HDAC5: variants seen among roughly 807,000 people sequenced by gnomAD.
HDAC5 encodes the protein antigen NY-CO-9.
In HDAC5, 25 loss-of-function variants were observed where a neutral mutation model predicts 133.3. That is an observed-to-expected ratio of 0.19 (90% confidence interval 0.14 to 0.26). The LOEUF is 0.26. Among genes scored for constraint, HDAC5 ranks in the 10% least tolerant of loss-of-function variants. HDAC5 has a pLI of 1.00. For missense variants in HDAC5, 1,041 were observed against 1,460.5 expected (o/e 0.71, Z 4.68); for synonymous variants, 589 against 610.8 (o/e 0.96, Z 0.53).
intron 3 of HDAC5, among the ~76,000 whole-genome samples, chr17:44,103,148 G>A (rs551130900): frequency 1.2e-3 from 183 of 152,180 alleles, no homozygotes; most frequent in African/African-American, 4.4e-3. Flanking sequence ...CTGGCCTGAG[G>A]GAGTTTGGAA....
intron 3 of HDAC5, among the ~76,000 whole-genome samples, chr17:44,104,001 C>T (rs999071792): frequency 1.5e-4 from 23 of 151,990 alleles, no homozygotes; most frequent in African/African-American, 4.8e-4. Context: ...AGCCACCATG[C>T]CTGGCCTTCT....
intron 23 of HDAC5, 49 bp downstream of exon 23, chr17:44,080,058 C>T (rs375024086): frequency 5.3e-6 from 7 of 1,327,728 alleles, no homozygotes; most frequent in Admixed American, 1.7e-5. Flanking sequence ...TCACTGGACT[C>T]GATATCCTCA....
intron 11 of HDAC5, among the ~76,000 whole-genome samples, chr17:44,090,377 T>C (rs901830912): frequency 6.6e-6 from 1 of 152,160 alleles, no homozygotes; most frequent in Non-Finnish European, 1.5e-5. Flanking sequence ...TAATTCCACT[T>C]GCTTCTCTTT....
chr17:44,092,806 C>T lies in HDAC5; in HGVS notation c.642G>A (p.Trp214Ter). ...GGTCCAAAGAAGCATGGTGGGCTCC[C>T]CTGGGGTGGGGGGGGGGTGGGGATG... ...NHSLPQHPKC[W>*]GAHHASLDQS... Residue 214 changes from tryptophan to a stop codon, truncating the protein, a stop_gained and splice_region_variant, in exon 7 of 27, where the codon TGG (tryptophan) becomes TGA (stop). Coordinates refer to ENST00000682912, the MANE Select transcript of HDAC5 (RefSeq NM_005474.5). LOFTEE classifies it high-confidence loss of function. 1 of 1,051,372 alleles carries T rather than the reference C, an allele frequency of 9.5e-7. No homozygotes were observed. Among genetic ancestry groups the T allele is most frequent in the Non-Finnish European group, 1.3e-6 (1 of 766,384 alleles). 65.1% of individuals were successfully genotyped at this position (1,051,372 alleles called of 1,614,324 possible).
chr17:44,089,747 C>CAAA lies in HDAC5; in HGVS notation c.1388-1152_1388-1150dup, dbSNP rs869263828. ...GGGCAACAAGAGTGAAACTTCGTCT[C>CAAA]AAAAAAAAAAAAAAAAAAAAAAAAA... On this transcript the variant is annotated intron_variant, in intron 11 of 26. Coordinates refer to ENST00000682912, the MANE Select transcript of HDAC5 (RefSeq NM_005474.5). Among the ~76,000 whole-genome samples the CAAA allele has an allele frequency of 9.3e-3, 317 of 34,038 alleles. 43 individuals carry two copies. Among genetic ancestry groups the CAAA allele is most frequent in the African/African-American group, 0.041 (241 of 5,854 alleles). 22.3% of individuals were successfully genotyped at this position (34,038 alleles called of 152,430 possible).
intron 14 of HDAC5, chr17:44,085,417 T>C: frequency 3.3e-6 from 1 of 306,524 alleles, no homozygotes; most frequent in Non-Finnish European, 6.0e-6. Flanking sequence ...CACTGCAGCC[T>C]CAACCACTGC....
At position 44,078,513 on chromosome 17, in the gene HDAC5, C is replaced by T; in HGVS notation, c.3316G>A (p.Glu1106Lys). 1 of 1,609,324 alleles carries T rather than the reference C, an allele frequency of 6.2e-7. No individual in the cohort carries two copies. The change falls in exon 26 of 27, where the codon GAA becomes AAA. Residue 1106 changes from glutamate (E) to lysine (K), a missense_variant. Glu to Lys is a moderately conservative substitution (Grantham distance 56). Around this residue, in one of 9 missense-constraint regions of HDAC5, gnomAD observed 95 missense variants for 107.3 expected, o/e 0.88. Transcript: ENST00000682912. ...AEQAQAAAAR[E>K]HSPRPAEEPM... ...GTTGCTGCTTACCTGGGGCTGTGTT[C>T]CCGGGCTGCCGCAGCCTGGGCCTGC...
chr17:44,121,617 C>A (rs1375139218), intron 1 of HDAC5, among the ~76,000 whole-genome samples: 6 of 151,886 alleles, frequency 4.0e-5, no homozygotes, highest in Non-Finnish European at 7.4e-5. Flanking sequence ...CCCTCCCCCA[C>A]TATGCGGGAA....
intron 13 of HDAC5, 47 bp from the exon 14 acceptor site, chr17:44,086,784 A>C (rs772734443): frequency 1.6e-6 from 2 of 1,259,206 alleles, no homozygotes; most frequent in Non-Finnish European, 2.0e-6. Flanking sequence ...CAGCCAGGAC[A>C]GGGGTGAGGG....
chr17:44,097,799 G>C (rs1283283101), intron 3 of HDAC5, among the ~76,000 whole-genome samples: 1 of 152,248 alleles, frequency 6.6e-6, no homozygotes, highest in Non-Finnish European at 1.5e-5. Flanking sequence ...CCTAGGGCTG[G>C]AACTGTCGCC....
Position 44,079,251 on chromosome 17 carries a change from T to C in HDAC5, c.2971A>G (p.Met991Val). Residue 991 changes from methionine (M) to valine (V), a missense_variant, in exon 24 of 27, where the codon ATG becomes GTG. By Grantham distance (21) the Met-to-Val change is conservative. Transcript: ENST00000682912. The part of the protein sequence containing the change: ...RCFGHLTRQL[M>V]TLAGGRVVLA... ...ACCACCCGGCCCCCTGCCAGGGTCA[T>C]CAGCTGCCTGGTCAAGTGGCCAAAA... 2 of 1,613,732 alleles carry C rather than the reference T, an allele frequency of 1.2e-6. No individual in the cohort carries two copies. Among genetic ancestry groups the C allele is most frequent in the Non-Finnish European group, 1.7e-6 (2 of 1,179,824 alleles).
rs386386141 is a variant in HDAC5 at position 44,089,931 on chromosome 17, C to CA, written c.1388-1334dup. On this transcript the variant is annotated intron_variant, in intron 11 of 26. Transcript: ENST00000682912. ...TGGGCAACAAAGTGAGATTCTGTCTCAAAAAAAAAAAAAAAAAAAGGATGA... is the reference window on the plus strand; with the variant it reads ...TGGGCAACAAAGTGAGATTCTGTCTCAAAAAAAAAAAAAAAAAAAAGGATGA... 3.4e-3 allele frequency among the ~76,000 whole-genome samples: 290 copies of CA among 86,564 alleles called. 14 individuals carry two copies. The highest frequency in any genetic ancestry group is 0.021 in the Middle Eastern group (3 of 142). The allele number at this position is 86,564 out of a possible 152,430, so 56.8% of individuals were successfully genotyped here.
At chr17:44,080,696 G>C (rs1056344822) in intron 21 of HDAC5, 67 bp downstream of exon 21, 1 of 1,607,120 alleles carries the variant, frequency 6.2e-7, no homozygotes, top group Non-Finnish European at 8.5e-7. Flanking sequence ...GTGGCTCCCC[G>C]CCAGGTCCCA....
At chr17:44,105,539 C>T (rs2051881324) in intron 3 of HDAC5, among the ~76,000 whole-genome samples, 1 of 152,166 alleles carries the variant, frequency 6.6e-6, no homozygotes, top group Admixed American at 6.5e-5. Flanking sequence ...GGTGGAATGG[C>T]AGGGGCTCCA....
chr17:44,112,500 T>G (rs553677459), intron 2 of HDAC5, among the ~76,000 whole-genome samples: 51 of 152,036 alleles, frequency 3.4e-4, no homozygotes, highest in African/African-American at 1.2e-3. Flanking sequence ...ACAGTTGCTA[T>G]TTTGGAGCCC....
intron 3 of HDAC5, among the ~76,000 whole-genome samples, chr17:44,106,453 T>C: frequency 6.6e-6 from 1 of 152,186 alleles, no homozygotes; most frequent in Non-Finnish European, 1.5e-5. Context: ...GTAGGTGGCA[T>C]ATTGCACATG....
rs766777414 is a variant in HDAC5 at position 44,091,317 on chromosome 17, T to C, written c.1340A>G (p.His447Arg). 72 of 1,611,700 alleles carry C rather than the reference T, an allele frequency of 4.5e-5. No individual in the cohort carries two copies. The highest frequency in any genetic ancestry group is 5.7e-5 in the Non-Finnish European group (67 of 1,179,372). The change falls in exon 11 of 27, where the codon CAT becomes CGT. Residue 447 changes from histidine to arginine, a missense_variant. Around this residue, in one of 9 missense-constraint regions of HDAC5, gnomAD observed 433 missense variants for 531.6 expected, o/e 0.81. Transcript: ENST00000682912. ...SPHGHASLLQHVLLLEQARQQ... is the reference protein window; with the variant it reads ...SPHGHASLLQRVLLLEQARQQ... ...CCGGGCCTGCTCCAGCAACAGCACATGCTGCAGCAGGGAGGCATGCCCGTG... is the reference window on the plus strand; with the variant it reads ...CCGGGCCTGCTCCAGCAACAGCACACGCTGCAGCAGGGAGGCATGCCCGTG...
At chr17:44,084,751 A>G (rs1327062245) in intron 15 of HDAC5, 76 bp from the exon 16 acceptor site, 1 of 1,549,750 alleles carries the variant, frequency 6.5e-7, no homozygotes, top group Non-Finnish European at 8.8e-7. Flanking sequence ...TAGCCAGGGC[A>G]CACAGAGCCA....
chr17:44,117,511 T>A lies in HDAC5; in HGVS notation c.5A>T (p.Asn2Ile). The A allele has an allele frequency of 6.2e-7, 1 of 1,613,486 alleles. No individual in the cohort carries two copies. Among genetic ancestry groups the A allele is most frequent in the Non-Finnish European group, 8.5e-7 (1 of 1,179,904 alleles). Residue 2 changes from asparagine to isoleucine, a missense_variant, in exon 2 of 27, where the codon AAC becomes ATC. Physicochemically the swap from Asn to Ile is moderately radical, Grantham distance 149. Around this residue, in one of 9 missense-constraint regions of HDAC5, gnomAD observed 93 missense variants for 98.8 expected, o/e 0.94. Coordinates refer to ENST00000682912, the MANE Select transcript of HDAC5 (RefSeq NM_005474.5). This position sits in a 1 kb window ranked among gnomAD's most constrained non-coding sequence, Gnocchi z 4.2. ...GCTCTTACCCGACTCGTTGGGAGAGTTCATGCCGGCTCTGGGCCTGCAGGA... is the reference window on the plus strand; with the variant it reads ...GCTCTTACCCGACTCGTTGGGAGAGATCATGCCGGCTCTGGGCCTGCAGGA... MNSPNESDGMSG... is the reference protein window; with the variant it reads MISPNESDGMSG...
Sources: gnomAD v4.1 joint callset for allele counts (sites outside exome capture counted in the v4.1 genomes callset) on GRCh38, gnomAD v4.1.1 for gene constraint, gnomAD v4.1.1 regional missense constraint, Gnocchi (gnomAD v3.1) non-coding constraint, MANE v1.5 for transcripts, NCBI Gene and HGNC (gene_info 2026-07-23, HGNC 2026-07-21) for gene names.